GRIA1: variants seen among roughly 807,000 people sequenced by gnomAD.
GRIA1 encodes the protein glutamate ionotropic receptor AMPA type subunit 1.
Under a neutral mutation model 99.2 loss-of-function variants are expected in GRIA1, and 31 were observed. The ratio of observed to expected loss-of-function variants is 0.31; its 90% CI spans 0.23 to 0.42. The LOEUF (loss-of-function observed/expected upper bound fraction) is 0.42. Among genes scored for constraint, GRIA1 ranks in the 10% least tolerant of loss-of-function variants. The probability of loss-of-function intolerance (pLI) is 1.00; values close to 1 mark genes in which losing one functional copy is unlikely to be tolerated. For missense variants in GRIA1, 782 were observed against 1,157.5 expected (o/e 0.68, Z 4.71); for synonymous variants, 438 against 432.4 (o/e 1.01, Z -0.16).
intron 9 of GRIA1, 133 bp downstream of exon 9, chr5:153,698,287 G>A (rs1325635233): frequency 1.9e-6 from 1 of 521,320 alleles, no homozygotes; most frequent in African/African-American, 1.9e-5. Flanking sequence ...AAGTCGAAAA[G>A]GGAATGCCCT....
intron 2 of GRIA1, among the ~76,000 whole-genome samples, chr5:153,598,486 A>G (rs1384531436): frequency 1.3e-5 from 2 of 152,300 alleles, no homozygotes; most frequent in East Asian, 1.9e-4. Context: ...AATATAATAG[A>G]TAAGGTGGAA....
At chr5:153,703,937 G>A (rs1015568996) in intron 10 of GRIA1, among the ~76,000 whole-genome samples, 2 of 151,890 alleles carry the variant, frequency 1.3e-5, no homozygotes, top group Non-Finnish European at 2.9e-5. Flanking sequence ...TTTTTCTGTT[G>A]GTTTACAAAC....
chr5:153,534,298 A>C (rs949962044), intron 2 of GRIA1, among the ~76,000 whole-genome samples: 1 of 152,172 alleles, frequency 6.6e-6, no homozygotes, highest in Admixed American at 6.5e-5. Context: ...TTTGATGCCA[A>C]GTGAATGTTG....
chr5:153,735,152 T>C (rs1393112776), intron 11 of GRIA1, among the ~76,000 whole-genome samples: 1 of 152,170 alleles, frequency 6.6e-6, no homozygotes, highest in Non-Finnish European at 1.5e-5. Flanking sequence ...TGTAAGCTGA[T>C]ATATGTAAAA....
chr5:153,697,838 G>A (rs1017787239), intron 8 of GRIA1, among the ~76,000 whole-genome samples: 2 of 152,142 alleles, frequency 1.3e-5, no homozygotes, highest in African/African-American at 4.8e-5. Context: ...ATTATTGTGG[G>A]GATTTTCCCT....
chr5:153,496,989 T>C (rs922531670), intron 2 of GRIA1, among the ~76,000 whole-genome samples: 2 of 152,090 alleles, frequency 1.3e-5, no homozygotes, highest in Admixed American at 6.5e-5. Flanking sequence ...GGAAGTGTAA[T>C]GGGACCTGTT....
chr5:153,669,462 C>A (rs539189565), intron 5 of GRIA1, among the ~76,000 whole-genome samples: 5 of 152,126 alleles, frequency 3.3e-5, no homozygotes, highest in Admixed American at 6.6e-5. Flanking sequence ...TTAAGCAGGG[C>A]TCTCTTAAAA....
intron 10 of GRIA1, among the ~76,000 whole-genome samples, chr5:153,699,308 G>A (rs184818392): frequency 4.5e-4 from 68 of 152,292 alleles, no homozygotes; most frequent in African/African-American, 1.0e-3. Flanking sequence ...GTTGATTGTC[G>A]TCCAACACAG....
At chr5:153,717,033 A>G (rs550149707) in intron 11 of GRIA1, among the ~76,000 whole-genome samples, 30 of 152,276 alleles carry the variant, frequency 2.0e-4, no homozygotes, top group African/African-American at 7.2e-4. Flanking sequence ...GAGGAGGATG[A>G]ACAATAATGG....
At chr5:153,604,026 GC>G (rs1765236535) in intron 2 of GRIA1, among the ~76,000 whole-genome samples, 1 of 151,968 alleles carries the variant, frequency 6.6e-6, no homozygotes, top group Admixed American at 6.6e-5. Context: ...TCTCCAATAT[GC>G]CTTGGAAGCT....
At chr5:153,754,141 T>G (rs1762669428) in intron 11 of GRIA1, among the ~76,000 whole-genome samples, 1 of 152,194 alleles carries the variant, frequency 6.6e-6, no homozygotes. Flanking sequence ...TTCCCAGCCC[T>G]GGCCTCTAAT....
At chr5:153,634,160 C>CA (rs942958261) in intron 2 of GRIA1, among the ~76,000 whole-genome samples, 9 of 151,026 alleles carry the variant, frequency 6.0e-5, no homozygotes, top group African/African-American at 1.2e-4. Context: ...ACTAAAAATA[C>CA]AAAAAAAATT....
chr5:153,566,348 C>G (rs1328752602), intron 2 of GRIA1, among the ~76,000 whole-genome samples: 1 of 73,796 alleles, frequency 1.4e-5, no homozygotes, highest in Non-Finnish European at 3.1e-5. Flanking sequence ...CTCTTGTCAC[C>G]CAGGCTGCAG....
At chr5:153,758,403 T>A (rs538008361) in intron 11 of GRIA1, among the ~76,000 whole-genome samples, 5 of 150,148 alleles carry the variant, frequency 3.3e-5, no homozygotes, top group Admixed American at 1.3e-4. Context: ...GGAGCAGGAG[T>A]AGTCACACTT....
intron 14 of GRIA1, among the ~76,000 whole-genome samples, chr5:153,795,182 A>G (rs866161700): frequency 2.0e-5 from 3 of 152,146 alleles, no homozygotes; most frequent in Admixed American, 2.0e-4. Flanking sequence ...GAGGGTCCCC[A>G]GGCACCCATG....
intron 13 of GRIA1, among the ~76,000 whole-genome samples, chr5:153,786,793 T>C (rs1764992376): frequency 6.6e-6 from 1 of 152,094 alleles, no homozygotes. Flanking sequence ...AGCAACCAGG[T>C]CTTAAAAGAG....
chr5:153,689,266 T>C (rs1757569764), intron 8 of GRIA1, among the ~76,000 whole-genome samples: 1 of 152,138 alleles, frequency 6.6e-6, no homozygotes, highest in Admixed American at 6.5e-5. Flanking sequence ...TGCAGCATTT[T>C]TGTGTAAGGC....
At chr5:153,650,827 G>T (rs150924880) in intron 4 of GRIA1, among the ~76,000 whole-genome samples, 1 of 148,154 alleles carries the variant, frequency 6.7e-6, no homozygotes, top group African/African-American at 2.5e-5. Flanking sequence ...GGGAGACTGA[G>T]GCAGGCGGAT....
At chr5:153,761,742 A>G (rs943159818) in intron 11 of GRIA1, among the ~76,000 whole-genome samples, 2 of 152,254 alleles carry the variant, frequency 1.3e-5, no homozygotes, top group Non-Finnish European at 2.9e-5. Flanking sequence ...CACTATTCAC[A>G]GTAACCAAAA....
Sources: gnomAD v4.1 joint callset for allele counts (sites outside exome capture counted in the v4.1 genomes callset) on GRCh38, gnomAD v4.1.1 for gene constraint, MANE v1.5 for transcripts, NCBI Gene and HGNC (gene_info 2026-07-23, HGNC 2026-07-21) for gene names.